PAPSS1: variants seen among roughly 807,000 people sequenced by gnomAD.
The protein encoded by PAPSS1 is 3'-phosphoadenosine 5'-phosphosulfate synthase 1, also known as bifunctional 3'-phosphoadenosine 5'-phosphosulfate synthase 1.
A neutral mutation model predicts 72.0 loss-of-function variants in PAPSS1; 50 were observed. That is an observed-to-expected ratio of 0.69 (90% CI 0.55 to 0.88). The LOEUF (loss-of-function observed/expected upper bound fraction) is 0.88, where lower values mean the gene tolerates loss of function less well. Among genes scored for constraint, PAPSS1 ranks in the 40% least tolerant of loss-of-function variants. PAPSS1 has a pLI of 0.00. For missense variants in PAPSS1, 657 were observed against 782.2 expected (o/e 0.84, Z 1.91); for synonymous variants, 261 against 263.6 (o/e 0.99, Z 0.09).
At chr4:107,715,310 C>T (rs2189153) in intron 1 of PAPSS1, among the ~76,000 whole-genome samples, 125,975 of 152,034 alleles carry the variant, frequency 0.83, 53,919 homozygotes, top group South Asian at 0.95. Context: ...GAAGTTTAAG[C>T]TTCCCTTTTC....
At chr4:107,652,841 G>A (rs1024296482) in intron 9 of PAPSS1, among the ~76,000 whole-genome samples, 2 of 152,018 alleles carry the variant, frequency 1.3e-5, no homozygotes, top group African/African-American at 4.8e-5. Flanking sequence ...GAATTGTTTT[G>A]AGAAGTATTT....
At chr4:107,695,672 C>T (rs150405857) in intron 2 of PAPSS1, among the ~76,000 whole-genome samples, 1,822 of 152,196 alleles carry the variant, frequency 0.012, 24 homozygotes, top group Non-Finnish European at 0.02. Context: ...TCCATCAATA[C>T]CTAGTTTATT....
chr4:107,663,043 C>A (rs1412996595), intron 5 of PAPSS1, among the ~76,000 whole-genome samples: 1 of 152,122 alleles, frequency 6.6e-6, no homozygotes, highest in African/African-American at 2.4e-5. Context: ...GAATTGAAAT[C>A]TTCTATGCTA....
Position 107,687,073 on chromosome 4 carries a change from T to A in PAPSS1, c.516A>T (p.Gly172=). ...CTCCTGCCCGGGCTTTTTTGTAGAG[T>A]CCTTTGACATCCCTCTGTTCACAAA... ...LHVCEQRDVK[G]LYKKARAGEI... Residue 172 remains glycine (G), a synonymous_variant, in exon 4 of 12, where the codon GGA becomes GGT. Transcript: ENST00000265174. 6.3e-7 allele frequency: 1 copy of A among 1,599,362 alleles called. No homozygotes were observed. The highest frequency in any genetic ancestry group is 8.5e-7 in the Non-Finnish European group (1 of 1,175,030).
At chr4:107,711,413 A>G (rs1723492126) in intron 1 of PAPSS1, among the ~76,000 whole-genome samples, 1 of 152,142 alleles carries the variant, frequency 6.6e-6, no homozygotes, top group African/African-American at 2.4e-5. Context: ...TATTTTATCC[A>G]CTTGCCTGTA....
At chr4:107,682,380 A>T (rs1392019415) in intron 4 of PAPSS1, among the ~76,000 whole-genome samples, 1 of 152,122 alleles carries the variant, frequency 6.6e-6, no homozygotes, top group African/African-American at 2.4e-5. Context: ...GACACCAAAT[A>T]GGCTGCAATA....
chr4:107,686,118 T>C lies in PAPSS1; in HGVS notation c.550+921A>G, dbSNP rs191679903. Among the ~76,000 whole-genome samples the C allele has an allele frequency of 5.3e-5, 8 of 152,088 alleles. 1 individual carries two copies. The highest frequency in any genetic ancestry group is 9.6e-5 in the African/African-American group (4 of 41,486). On this transcript the variant is annotated intron_variant, in intron 4 of 11. Transcript: ENST00000265174. ...ATTAATATCAAAGGCCAGAGCAGAG[T>C]TGGGTTCTAAATTTCTCCCTCAATG...
chr4:107,706,635 G>C (rs996406543), intron 1 of PAPSS1, among the ~76,000 whole-genome samples: 2 of 152,062 alleles, frequency 1.3e-5, no homozygotes, highest in Non-Finnish European at 2.9e-5. Context: ...TCAGCTACTG[G>C]AAGGTTATTT....
intron 11 of PAPSS1, among the ~76,000 whole-genome samples, chr4:107,620,516 C>A (rs954105530): frequency 1.3e-5 from 2 of 152,254 alleles, no homozygotes; most frequent in Non-Finnish European, 1.5e-5. Flanking sequence ...TGTTTTCCTC[C>A]CAGCACTCCA....
intron 11 of PAPSS1, among the ~76,000 whole-genome samples, chr4:107,628,166 T>C (rs1726146279): frequency 6.6e-6 from 1 of 152,208 alleles, no homozygotes; most frequent in Non-Finnish European, 1.5e-5. Context: ...CTTTCCTGCA[T>C]TTTAGCTACA....
At chr4:107,671,835 T>C (rs550232701) in intron 5 of PAPSS1, among the ~76,000 whole-genome samples, 8 of 152,312 alleles carry the variant, frequency 5.3e-5, no homozygotes, top group South Asian at 2.1e-4. Flanking sequence ...CTTTTTAAAA[T>C]TGTATTCTTT....
At chr4:107,670,051 T>C (rs1017583662) in intron 5 of PAPSS1, among the ~76,000 whole-genome samples, 1 of 152,174 alleles carries the variant, frequency 6.6e-6, no homozygotes, top group African/African-American at 2.4e-5. Context: ...CAAGGACCAC[T>C]TGGAAAACTA....
intron 4 of PAPSS1, among the ~76,000 whole-genome samples, chr4:107,686,179 G>A (rs1278957225): frequency 1.1e-4 from 16 of 152,078 alleles, no homozygotes; most frequent in South Asian, 4.1e-4. Flanking sequence ...TCTGGGAAGC[G>A]GACCATAAAA....
intron 1 of PAPSS1, among the ~76,000 whole-genome samples, chr4:107,709,369 C>G (rs2125940709): frequency 6.6e-6 from 1 of 152,268 alleles, no homozygotes; most frequent in Middle Eastern, 3.4e-3. Context: ...CTCCAAACTG[C>G]CCTTAGGTAT....
intron 11 of PAPSS1, among the ~76,000 whole-genome samples, chr4:107,628,067 A>T (rs116260834): frequency 6.6e-6 from 1 of 152,186 alleles, no homozygotes; most frequent in East Asian, 1.9e-4. Flanking sequence ...CAGAAAATAT[A>T]AACTAGAATA....
chr4:107,710,283 TCTTA>T (rs1723454245), intron 1 of PAPSS1, among the ~76,000 whole-genome samples: 2 of 152,182 alleles, frequency 1.3e-5, no homozygotes, highest in Non-Finnish European at 1.5e-5. Context: ...GCTTAGTGCT[TCTTA>T]CTTAATAGTC....
intron 7 of PAPSS1, 82 bp from the exon 8 acceptor site, chr4:107,654,982 G>T: frequency 1.0e-6 from 1 of 973,288 alleles, no homozygotes. Context: ...CACTTCAGGG[G>T]ACACTTTTCA....
intron 10 of PAPSS1, among the ~76,000 whole-genome samples, chr4:107,632,828 C>T (rs1207364266): frequency 6.6e-6 from 1 of 152,124 alleles, no homozygotes; most frequent in Non-Finnish European, 1.5e-5. Flanking sequence ...TTTATAAAAC[C>T]ATCACTGTTC....
intron 5 of PAPSS1, among the ~76,000 whole-genome samples, chr4:107,681,038 T>C (rs986954924): frequency 3.3e-5 from 5 of 152,146 alleles, no homozygotes; most frequent in Non-Finnish European, 7.3e-5. Flanking sequence ...ACTCAAAGGC[T>C]AAACATTTAT....
Sources: allele counts gnomAD v4.1 joint callset (sites outside exome capture counted in the v4.1 genomes callset), GRCh38; gene constraint gnomAD v4.1.1; transcripts MANE v1.5; gene names NCBI Gene and HGNC (gene_info 2026-07-23, HGNC 2026-07-21).